The following DNAH14 variants were observed in gnomAD, a reference collection of about 807,000 sequenced individuals.
The protein encoded by DNAH14 is axonemal beta dynein heavy chain 14.
DNAH14 carries 478 observed loss-of-function variants against 520.9 expected under a neutral mutation model. The ratio of observed to expected loss-of-function variants is 0.92; its 90% CI spans 0.85 to 0.99. The LOEUF (loss-of-function observed/expected upper bound fraction) is 0.99. Ranked by LOEUF, DNAH14 falls within the 50% of genes least tolerant of loss-of-function variation. DNAH14 has a pLI of 0.00. For synonymous variants in DNAH14, 1,581 were observed against 1,757.2 expected (o/e 0.90, Z 2.51); for missense variants, 4,831 against 5,234.5 (o/e 0.92, Z 2.38).
At chr1:225,283,585 T>A (rs908639592) in intron 54 of DNAH14, among the ~76,000 whole-genome samples, 1 of 152,114 alleles carries the variant, frequency 6.6e-6, no homozygotes, top group Non-Finnish European at 1.5e-5. Context: ...ACAATAATAG[T>A]TGGACACTTC....
chr1:224,942,957 GA>G (rs1467286314), intron 1 of DNAH14, among the ~76,000 whole-genome samples: 1 of 152,040 alleles, frequency 6.6e-6, no homozygotes, highest in Non-Finnish European at 1.5e-5. Context: ...ATATTGGTCT[GA>G]AATTCTCTTT....
intron 1 of DNAH14, among the ~76,000 whole-genome samples, chr1:224,934,253 C>T (rs900125502): frequency 6.6e-6 from 1 of 151,774 alleles, no homozygotes; most frequent in African/African-American, 2.4e-5. Flanking sequence ...CAGTGACATA[C>T]AAGAGGATTG....
chr1:225,374,192 G>T (rs1307689030), intron 77 of DNAH14, among the ~76,000 whole-genome samples: 2 of 36,258 alleles, frequency 5.5e-5, no homozygotes, highest in African/African-American at 1.1e-4. Context: ...TACTATTCTA[G>T]TAAATATAAA....
chr1:225,127,893 G>A (rs1020532956), intron 27 of DNAH14, among the ~76,000 whole-genome samples: 3 of 152,096 alleles, frequency 2.0e-5, no homozygotes, highest in Non-Finnish European at 2.9e-5. Flanking sequence ...AGCTCTTTTA[G>A]GGCAGGCCTG....
chr1:225,211,617 G>A (rs58279596), intron 41 of DNAH14, among the ~76,000 whole-genome samples: 16,934 of 151,982 alleles, frequency 0.11, 1,471 homozygotes, highest in East Asian at 0.23. Context: ...AGCAAGCCAG[G>A]CCAAAATTCA....
intron 27 of DNAH14, 53 bp downstream of exon 27, chr1:225,123,667 C>G (rs149595005): frequency 3.7e-6 from 1 of 273,290 alleles, no homozygotes; most frequent in East Asian, 1.1e-4. Flanking sequence ...GGAGATATTG[C>G]AGGTTCAATT....
chr1:225,192,665 GTC>G, intron 37 of DNAH14, 29 bp from the exon 38 acceptor site: 1 of 1,461,448 alleles, frequency 6.8e-7, no homozygotes, highest in Non-Finnish European at 9.3e-7. Context: ...TATAGTTAAT[GTC>G]TTTAAAAACT....
intron 40 of DNAH14, 148 bp from the exon 41 acceptor site, chr1:225,206,820 C>A: frequency 1.5e-6 from 1 of 689,102 alleles, no homozygotes; most frequent in Non-Finnish European, 2.3e-6. Flanking sequence ...ATTCCTTAAG[C>A]TACTTTGATC....
chr1:225,334,115 G>T (rs1014255460), intron 66 of DNAH14, among the ~76,000 whole-genome samples: 8 of 152,022 alleles, frequency 5.3e-5, no homozygotes, highest in African/African-American at 1.4e-4. Context: ...ATTACATTAG[G>T]TGTAAATGGA....
chr1:224,948,005 T>A (rs764706407), intron 1 of DNAH14, among the ~76,000 whole-genome samples: 3 of 152,046 alleles, frequency 2.0e-5, no homozygotes, highest in Admixed American at 6.6e-5. Flanking sequence ...TATTCTGCAC[T>A]TCTTGAGTTT....
intron 35 of DNAH14, among the ~76,000 whole-genome samples, chr1:225,166,783 T>C (rs138835562): frequency 7.9e-4 from 120 of 152,330 alleles, no homozygotes; most frequent in African/African-American, 2.7e-3. Context: ...AACCGCATCA[T>C]TGAATAAGAA....
chr1:225,025,333 A>AATAT (rs10653727), intron 11 of DNAH14, among the ~76,000 whole-genome samples: 1,709 of 146,530 alleles, frequency 0.012, 5 homozygotes, highest in South Asian at 0.021. Context: ...TCTTATCTCA[A>AATAT]ATATATATAT....
At chr1:225,369,822 C>A (rs2095597145) in intron 77 of DNAH14, among the ~76,000 whole-genome samples, 1 of 151,878 alleles carries the variant, frequency 6.6e-6, no homozygotes, top group Non-Finnish European at 1.5e-5. Context: ...AAAATTTGAC[C>A]CCTAAAAATC....
chr1:225,196,357 A>G (rs926378246), intron 38 of DNAH14, among the ~76,000 whole-genome samples: 1 of 152,234 alleles, frequency 6.6e-6, no homozygotes, highest in African/African-American at 2.4e-5. Context: ...ATTCATTTTT[A>G]TGGCTGTAGT....
At chr1:225,021,909 T>C (rs879657949) in intron 10 of DNAH14, among the ~76,000 whole-genome samples, 1 of 152,152 alleles carries the variant, frequency 6.6e-6, no homozygotes, top group Non-Finnish European at 1.5e-5. Context: ...CCAAACAGCA[T>C]GGTAAGGGTA....
At chr1:225,036,509 G>A (rs972901225) in intron 11 of DNAH14, among the ~76,000 whole-genome samples, 1 of 152,124 alleles carries the variant, frequency 6.6e-6, no homozygotes, top group Non-Finnish European at 1.5e-5. Flanking sequence ...TCTCTTTGTT[G>A]TGCTTATCTG....
chr1:225,183,803 C>T lies in DNAH14; in HGVS notation c.5536-1488C>T, dbSNP rs1442708520. Among the ~76,000 whole-genome samples, 3 of 151,664 alleles carry T rather than the reference C, an allele frequency of 2.0e-5. No homozygotes were observed. In the East Asian group the frequency reaches 5.8e-4, roughly 29 times the overall value. On this transcript the variant is annotated intron_variant, in intron 36 of 85. Transcript: ENST00000682510. ...AGACTATTACGAACACATCTATTTA[C>T]ACAAAATAGAAAATCTAGAGGAAAT... is the stretch of plus-strand genomic sequence containing the variant.
At chr1:225,392,074 A>G (rs1481910517) in intron 83 of DNAH14, among the ~76,000 whole-genome samples, 1 of 152,026 alleles carries the variant, frequency 6.6e-6, no homozygotes, top group Non-Finnish European at 1.5e-5. Context: ...AAAACAACCC[A>G]CATTCACCAG....
intron 21 of DNAH14, among the ~76,000 whole-genome samples, chr1:225,086,570 GAA>G (rs1227239963): frequency 6.6e-6 from 1 of 151,824 alleles, no homozygotes; most frequent in Admixed American, 6.6e-5. Flanking sequence ...GGGAGAGAGA[GAA>G]AGTATATACA....
Sources: gnomAD v4.1 joint callset for allele counts (sites outside exome capture counted in the v4.1 genomes callset) on GRCh38, gnomAD v4.1.1 for gene constraint, MANE v1.5 for transcripts, NCBI Gene and HGNC (gene_info 2026-07-23, HGNC 2026-07-21) for gene names.